Variants in ELMO1 observed in about 807,000 individuals in gnomAD.
The protein encoded by ELMO1 is engulfment and cell motility 1.
A neutral mutation model predicts 98.9 loss-of-function variants in ELMO1; 26 were observed. The ratio of observed to expected loss-of-function variants is 0.26; its 90% confidence interval spans 0.19 to 0.36. ELMO1 has a LOEUF of 0.36. ELMO1 is among the 10% of genes least tolerant of loss of function. The pLI is 1.00. For missense variants in ELMO1, 627 were observed against 935.2 expected, an observed-to-expected ratio of 0.67 and a Z score of 4.30; for synonymous variants, 346 against 346.0, an observed-to-expected ratio of 1.00 and a Z score of 0.00.
chr7:37,435,619 C>T (rs955085839), intron 1 of ELMO1, among the ~76,000 whole-genome samples: 2 of 152,228 alleles, frequency 1.3e-5, no homozygotes, highest in Non-Finnish European at 2.9e-5. Flanking sequence ...ACACCCTCAT[C>T]TGCCTGTCTT....
At chr7:37,258,440 T>TAA (rs146077523) in intron 6 of ELMO1, among the ~76,000 whole-genome samples, 21 of 149,334 alleles carry the variant, frequency 1.4e-4, no homozygotes, top group Admixed American at 4.0e-4. Flanking sequence ...CCATCTCAAA[T>TAA]AAAAAAAAAT....
chr7:37,156,041 C>G lies in ELMO1; in HGVS notation c.1087-22807G>C, dbSNP rs541481513. ...AACCTCACTCAAAACTGCACAACTA[C>G]GTGGAAACTGAACAACCTGCTCCTG... On this transcript the variant is annotated intron_variant, in intron 13 of 21. Transcript: ENST00000310758. Among the ~76,000 whole-genome samples, 7 of 152,258 alleles carry G rather than the reference C, an allele frequency of 4.6e-5. No homozygotes were observed. The South Asian group carries it at 1.5e-3, about 32-fold the overall frequency.
chr7:37,427,985 C>T (rs1163908893), intron 1 of ELMO1, among the ~76,000 whole-genome samples: 1 of 151,854 alleles, frequency 6.6e-6, no homozygotes, highest in Non-Finnish European at 1.5e-5. Flanking sequence ...ATAGATACCC[C>T]AAAGGCATTT....
intron 1 of ELMO1, among the ~76,000 whole-genome samples, chr7:37,417,453 A>G (rs563244827): frequency 6.6e-6 from 1 of 152,322 alleles, no homozygotes; most frequent in South Asian, 2.1e-4. Context: ...CGAGGTCAGC[A>G]GATCGAGACC....
chr7:37,006,672 A>G (rs1042141582), intron 16 of ELMO1, among the ~76,000 whole-genome samples: 4 of 152,178 alleles, frequency 2.6e-5, no homozygotes, highest in Non-Finnish European at 5.9e-5. Context: ...TATATCTGTA[A>G]TTACAATTTC....
intron 1 of ELMO1, among the ~76,000 whole-genome samples, chr7:37,427,954 G>A (rs1176750390): frequency 6.6e-6 from 1 of 151,916 alleles, no homozygotes; most frequent in Non-Finnish European, 1.5e-5. Context: ...GATCAATAGG[G>A]GAGAAAAATA....
chr7:37,256,464 T>G (rs761905131), intron 6 of ELMO1, among the ~76,000 whole-genome samples: 1 of 148,392 alleles, frequency 6.7e-6, no homozygotes, highest in Non-Finnish European at 1.5e-5. Flanking sequence ...TAGTACCAAC[T>G]GCAGAGGCCA....
intron 4 of ELMO1, among the ~76,000 whole-genome samples, chr7:37,291,810 G>C (rs1034471734): frequency 2.0e-5 from 3 of 152,178 alleles, no homozygotes; most frequent in African/African-American, 7.2e-5. Flanking sequence ...AGCTACTCAG[G>C]AGGCTGAGGC....
At chr7:37,228,175 C>A (rs183946829) in intron 8 of ELMO1, among the ~76,000 whole-genome samples, 110 of 152,348 alleles carry the variant, frequency 7.2e-4, no homozygotes, top group African/African-American at 2.5e-3. Flanking sequence ...TAATAACCAA[C>A]GCATCAGGGC....
intron 1 of ELMO1, among the ~76,000 whole-genome samples, chr7:37,417,746 G>A (rs1804291479): frequency 6.6e-6 from 1 of 152,040 alleles, no homozygotes. Context: ...GGAGGCTGAG[G>A]CAGGAGAATC....
intron 4 of ELMO1, among the ~76,000 whole-genome samples, chr7:37,272,183 A>G (rs1365482535): frequency 6.6e-6 from 1 of 152,202 alleles, no homozygotes; most frequent in Non-Finnish European, 1.5e-5. Context: ...CCTGACTCCT[A>G]CGATTGCACT....
intron 7 of ELMO1, among the ~76,000 whole-genome samples, chr7:37,241,209 A>G (rs561533193): frequency 1.4e-4 from 22 of 152,230 alleles, no homozygotes; most frequent in African/African-American, 5.3e-4. Flanking sequence ...TTAAAATAAA[A>G]AGGAGGATTA....
intron 16 of ELMO1, among the ~76,000 whole-genome samples, chr7:36,978,149 A>T (rs149441029): frequency 2.0e-5 from 3 of 152,272 alleles, no homozygotes; most frequent in African/African-American, 7.2e-5. Context: ...TAGCAAGTCA[A>T]TGAATGTTTC....
chr7:36,906,313 C>T (rs559399933), intron 16 of ELMO1, among the ~76,000 whole-genome samples: 1 of 152,232 alleles, frequency 6.6e-6, no homozygotes, highest in Non-Finnish European at 1.5e-5. Context: ...TATGTTTTCA[C>T]CCTTTTAGCA....
At chr7:37,024,426 G>A (rs1330000152) in intron 15 of ELMO1, among the ~76,000 whole-genome samples, 1 of 152,178 alleles carries the variant, frequency 6.6e-6, no homozygotes, top group African/African-American at 2.4e-5. Context: ...TTTTATTTTG[G>A]TCTCTGTTTA....
chr7:37,152,272 C>T (rs554736898), intron 13 of ELMO1, among the ~76,000 whole-genome samples: 1 of 152,186 alleles, frequency 6.6e-6, no homozygotes, highest in South Asian at 2.1e-4. Flanking sequence ...TCCTGCAAAC[C>T]CAAAGCAGAG....
At chr7:37,444,425 T>A (rs192033919) in intron 1 of ELMO1, among the ~76,000 whole-genome samples, 1 of 152,342 alleles carries the variant, frequency 6.6e-6, no homozygotes, top group Admixed American at 6.5e-5. Flanking sequence ...CCTTTCTGCA[T>A]CACTAAAGTG....
chr7:37,121,519 G>T (rs545801876), intron 14 of ELMO1, among the ~76,000 whole-genome samples: 7 of 152,168 alleles, frequency 4.6e-5, no homozygotes, highest in African/African-American at 1.4e-4. Flanking sequence ...GGAAGAAAGG[G>T]TATCAGCGAT....
intron 15 of ELMO1, among the ~76,000 whole-genome samples, chr7:37,042,899 G>A (rs776436805): frequency 5.9e-5 from 9 of 152,112 alleles, no homozygotes; most frequent in South Asian, 2.1e-4. Flanking sequence ...TCAGTTCTGC[G>A]CATCACATTT....
Sources: gnomAD v4.1 joint callset for allele counts (sites outside exome capture counted in the v4.1 genomes callset) on GRCh38, gnomAD v4.1.1 for gene constraint, MANE v1.5 for transcripts, NCBI Gene and HGNC (gene_info 2026-07-23, HGNC 2026-07-21) for gene names.